Variants in NAP1L1 observed in about 807,000 individuals in gnomAD.
NAP1L1 encodes nucleosome assembly protein 1 like 1.
NAP1L1 carries 9 observed loss-of-function variants against 58.9 expected under a neutral mutation model. The observed-to-expected ratio is 0.15, with a 90% CI of 0.09 to 0.27. NAP1L1 has a LOEUF of 0.27. Among genes scored for constraint, NAP1L1 ranks in the 10% least tolerant of loss-of-function variants. The probability of loss-of-function intolerance (pLI) is 1.00; values close to 1 mark genes in which losing one functional copy is unlikely to be tolerated. For missense variants in NAP1L1, 302 were observed against 458.8 expected (o/e 0.66, Z 3.12); for synonymous variants, 130 against 138.3 (o/e 0.94, Z 0.42).
At chr12:76,065,946 T>G (rs1470712348) in intron 4 of NAP1L1, among the ~76,000 whole-genome samples, 2 of 149,538 alleles carry the variant, frequency 1.3e-5, no homozygotes, top group African/African-American at 4.9e-5. Context: ...CAATAAAACA[T>G]AAGAGTGCTG....
intron 1 of NAP1L1, among the ~76,000 whole-genome samples, chr12:76,081,867 A>G (rs532006626): frequency 6.6e-6 from 1 of 152,344 alleles, no homozygotes; most frequent in Admixed American, 6.5e-5. Flanking sequence ...TCATCAAATT[A>G]TAACAGGTTC....
chr12:76,066,137 T>C (rs201656954), intron 4 of NAP1L1, among the ~76,000 whole-genome samples: 4,229 of 60,154 alleles, frequency 0.07, 94 homozygotes, highest in Middle Eastern at 0.12. Context: ...AATAAATAAA[T>C]AAACAAACAA....
rs144972136 is a variant in NAP1L1, at chr12:76,057,657, AAT to A, written c.430-1498_430-1497del. ...TTTATTGTGGAGTCTGTTCATTACC[AAT>A]AGAGTACTGTGAATATATGCCTGAT... On this transcript the variant is annotated intron_variant, in intron 6 of 14. Transcript: ENST00000618691. The A allele has an allele frequency of 5.1e-3, 7,377 of 1,437,172 alleles. 281 individuals are homozygous for A. The African/African-American group carries it at 0.088, about 17-fold the overall frequency. 89.0% of individuals were successfully genotyped at this position (1,437,172 alleles called of 1,614,324 possible).
rs752353054 is a variant in NAP1L1 at position 76,060,234 on chromosome 12, C to T, written c.252G>A (p.Leu84=). ...VKRRVNALKN[L]QVKCAQIEAK... Reference sequence around the variant, plus strand: ...CTTCTATCTGTGCACATTTAACTTGCAGGTTTTTGAGAGCATTCACTCGTC... The same window carrying T: ...CTTCTATCTGTGCACATTTAACTTGTAGGTTTTTGAGAGCATTCACTCGTC... Residue 84 remains leucine (L), a synonymous_variant, in exon 5 of 15, where the codon CTG becomes CTA. Transcript: ENST00000618691. 2 of 1,613,872 alleles carry T rather than the reference C, an allele frequency of 1.2e-6. No individual in the cohort carries two copies. Among genetic ancestry groups the T allele is most frequent in the Admixed American group, 3.3e-5 (2 of 60,002 alleles).
In NAP1L1 at chr12:76,037,474, C is replaced by T. The variant is rs563945168; in HGVS notation, c.*10955G>A. 1.3e-5 allele frequency: 2 copies of T among 152,478 alleles called. No homozygotes were observed. The highest frequency in any genetic ancestry group is 3.9e-4 in the East Asian group (2 of 5,190). 9.4% of individuals were successfully genotyped at this position (152,478 alleles called of 1,614,324 possible). On this transcript the variant is annotated 3_prime_UTR_variant, in exon 15 of 15. Coordinates refer to ENST00000618691, the MANE Select transcript of NAP1L1 (RefSeq NM_004537.7). The stretch of plus-strand genomic sequence containing the variant: ...CTCTCATCTAAGTTCTTGGGTGGCC[C>T]AATCACCTGATCCATACTCATACAC...
At chr12:76,068,086 C>T (rs1321050642) in intron 3 of NAP1L1, among the ~76,000 whole-genome samples, 1 of 152,126 alleles carries the variant, frequency 6.6e-6, no homozygotes, top group African/African-American at 2.4e-5. Flanking sequence ...AATTACAGTA[C>T]TAACCTTCTC....
intron 9 of NAP1L1, 65 bp from the exon 10 acceptor site, chr12:76,053,415 G>A (rs1314365782): frequency 1.3e-6 from 2 of 1,539,322 alleles, no homozygotes; most frequent in Non-Finnish European, 1.8e-6. Context: ...ACTTTTAGAA[G>A]TAAATGTTCT....
intron 2 of NAP1L1, among the ~76,000 whole-genome samples, chr12:76,073,464 G>T (rs1321962476): frequency 6.7e-6 from 1 of 149,898 alleles, no homozygotes; most frequent in Admixed American, 6.7e-5. Context: ...TACTTCCCAG[G>T]ACACATGACC....
chr12:76,050,740 G>A (rs777390215), intron 11 of NAP1L1, 87 bp from the exon 12 acceptor site: 5 of 1,403,454 alleles, frequency 3.6e-6, no homozygotes, highest in Admixed American at 4.8e-5. Context: ...GAGGCTGGGT[G>A]TGATGGCTCA....
Position 76,044,225 on chromosome 12 carries a change from C to T in NAP1L1, c.*4204G>A, listed in dbSNP as rs9805043. ...GCTGAGGCACGAGAATCGCTTGAAC[C>T]CGGGAGATGACAGCTGTAGTGAGCC... On this transcript the variant is annotated 3_prime_UTR_variant, in exon 15 of 15. Coordinates refer to ENST00000618691, the MANE Select transcript of NAP1L1 (RefSeq NM_004537.7). 4,512 of 152,396 alleles carry T rather than the reference C, an allele frequency of 0.03. 238 individuals are homozygous for T. The highest frequency in any genetic ancestry group is 0.1 in the African/African-American group (4,323 of 41,512). The allele number at this position is 152,396 out of a possible 1,614,324, so 9.4% of individuals were successfully genotyped here.
In NAP1L1 at chr12:76,063,861, G is replaced by C. The variant is rs374660439; in HGVS notation, c.206+3510C>G. Among the ~76,000 whole-genome samples, 929 of 124,176 alleles carry C rather than the reference G, an allele frequency of 7.5e-3. 9 individuals carry two copies. The highest frequency in any genetic ancestry group is 0.027 in the African/African-American group (891 of 32,512). The allele number at this position is 124,176 out of a possible 152,430, so 81.5% of individuals were successfully genotyped here. On this transcript the variant is annotated intron_variant, in intron 4 of 14. Transcript: ENST00000618691. ...CACAGATGAAAAGATGGAAAAAAAA[G>C]ACATACTAGGTTAAAAGTTTAAAAA...
intron 2 of NAP1L1, among the ~76,000 whole-genome samples, chr12:76,073,296 T>C (rs1950043540): frequency 6.6e-6 from 1 of 152,122 alleles, no homozygotes; most frequent in Non-Finnish European, 1.5e-5. Flanking sequence ...GAAAATAATT[T>C]AGCATCCCCT....
chr12:76,066,157 C>A (rs142053634), intron 4 of NAP1L1, among the ~76,000 whole-genome samples: 8 of 133,182 alleles, frequency 6.0e-5, no homozygotes, highest in Admixed American at 7.2e-5. Flanking sequence ...AACAAACAAA[C>A]CTGGCTCAAA....
intron 4 of NAP1L1, among the ~76,000 whole-genome samples, chr12:76,062,250 C>T (rs1048874300): frequency 6.6e-6 from 1 of 152,140 alleles, no homozygotes; most frequent in African/African-American, 2.4e-5. Context: ...ACTAGTCCCC[C>T]ACCCTACAAA....
chr12:76,077,980 CAAAAAA>C (rs58558132), intron 1 of NAP1L1, among the ~76,000 whole-genome samples: 7 of 65,964 alleles, frequency 1.1e-4, no homozygotes, highest in African/African-American at 4.4e-4. Context: ...GACCCTGTCT[CAAAAAA>C]AAAAAAAAAA....
chr12:76,052,263 AAAC>A (rs1394312911), intron 11 of NAP1L1, among the ~76,000 whole-genome samples: 5 of 152,060 alleles, frequency 3.3e-5, no homozygotes, highest in African/African-American at 1.2e-4. Flanking sequence ...ACAAACAAAC[AAAC>A]AAAAAAAAAC....
rs1189169691 is a variant in NAP1L1, at chr12:76,043,478, A to AC, written c.*4950_*4951insG. 3.2e-3 allele frequency: 30 copies of AC among 9,392 alleles called. No individual in the cohort carries two copies. Among genetic ancestry groups the AC allele is most frequent in the Middle Eastern group, 0.053 (2 of 38 alleles). The allele number at this position is 9,392 out of a possible 1,614,324, so 0.6% of individuals were successfully genotyped here. On this transcript the variant is annotated 3_prime_UTR_variant, in exon 15 of 15. Coordinates refer to ENST00000618691, the MANE Select transcript of NAP1L1 (RefSeq NM_004537.7). ...CAAATGAAGTAAGACCCTGTCTCAG[A>AC]AAAAAAAAAAAAAAAAAAAATTTCT...
intron 6 of NAP1L1, chr12:76,057,721 C>T: frequency 6.5e-7 from 1 of 1,544,110 alleles, no homozygotes; most frequent in Non-Finnish European, 8.7e-7. Context: ...GAAGAATTTT[C>T]CAAATGAATA....
At chr12:76,067,289 T>G in intron 4 of NAP1L1, 82 bp downstream of exon 4, 1 of 1,072,228 alleles carries the variant, frequency 9.3e-7, no homozygotes. Flanking sequence ...ATTGCATATC[T>G]AAATCCTAGA....
Sources: gnomAD v4.1 joint callset for allele counts (sites outside exome capture counted in the v4.1 genomes callset) on GRCh38, gnomAD v4.1.1 for gene constraint, MANE v1.5 for transcripts, NCBI Gene and HGNC (gene_info 2026-07-23, HGNC 2026-07-21) for gene names.